BTRC: variants seen among roughly 807,000 people sequenced by gnomAD.
The protein encoded by BTRC is beta-transducin repeat containing E3 ubiquitin protein ligase.
A neutral mutation model predicts 85.5 loss-of-function variants in BTRC; 42 were observed. The observed-to-expected ratio is 0.49, with a 90% CI of 0.38 to 0.64. BTRC has a LOEUF of 0.64. Ranked by LOEUF, BTRC falls within the 30% of genes least tolerant of loss-of-function variation. The pLI, the probability that BTRC is intolerant of heterozygous loss-of-function variation, is 0.00. For synonymous variants in BTRC, 255 were observed against 263.3 expected, an observed-to-expected ratio of 0.97 and a Z score of 0.30; for missense variants, 594 against 743.5, an observed-to-expected ratio of 0.80 and a Z score of 2.34.
At chr10:101,380,888 A>G (rs1015787771) in intron 1 of BTRC, among the ~76,000 whole-genome samples, 2 of 152,226 alleles carry the variant, frequency 1.3e-5, no homozygotes, top group Non-Finnish European at 2.9e-5. Flanking sequence ...ATACCTTACT[A>G]TACACAAATG....
At chr10:101,414,372 G>T (rs1483169451) in intron 1 of BTRC, among the ~76,000 whole-genome samples, 4 of 152,132 alleles carry the variant, frequency 2.6e-5, no homozygotes, top group African/African-American at 9.7e-5. Context: ...TCAGGTGTTT[G>T]TGTTGATACT....
At chr10:101,414,691 A>AGT in intron 1 of BTRC, 1 of 516,626 alleles carries the variant, frequency 1.9e-6, no homozygotes, top group Non-Finnish European at 3.9e-6. Flanking sequence ...GGTAGAAGAC[A>AGT]GTGATATTGA....
At chr10:101,372,937 A>G (rs987706065) in intron 1 of BTRC, among the ~76,000 whole-genome samples, 2 of 152,166 alleles carry the variant, frequency 1.3e-5, no homozygotes, top group Non-Finnish European at 2.9e-5. Context: ...CATTGAATCC[A>G]TATATAAGTT....
At chr10:101,553,121 G>T (rs2062676960) in intron 14 of BTRC, 34 bp from the exon 15 acceptor site, 1 of 152,628 alleles carries the variant, frequency 6.6e-6, no homozygotes, top group Non-Finnish European at 1.5e-5. Flanking sequence ...TATCAAAAAA[G>T]GGGCTAATGA....
At chr10:101,488,921 C>T (rs1038393959) in intron 4 of BTRC, among the ~76,000 whole-genome samples, 2 of 151,980 alleles carry the variant, frequency 1.3e-5, no homozygotes, top group East Asian at 3.9e-4. Context: ...ATATTTATAA[C>T]TAATGTAGAT....
chr10:101,359,454 G>T (rs1034364981), intron 1 of BTRC, among the ~76,000 whole-genome samples: 13 of 152,034 alleles, frequency 8.6e-5, no homozygotes, highest in African/African-American at 3.1e-4. Flanking sequence ...GATACCCTGA[G>T]TCTCGCTCTG....
intron 1 of BTRC, among the ~76,000 whole-genome samples, chr10:101,396,345 T>G (rs941444098): frequency 2.0e-5 from 3 of 151,768 alleles, no homozygotes; most frequent in Admixed American, 2.0e-4. Flanking sequence ...TAAAAGTAGT[T>G]GAACTTTATG....
intron 2 of BTRC, among the ~76,000 whole-genome samples, chr10:101,454,863 G>A (rs1945034664): frequency 1.3e-5 from 2 of 152,174 alleles, no homozygotes; most frequent in South Asian, 4.1e-4. Flanking sequence ...GCTTAACTGG[G>A]GCAGAAAAGA....
chr10:101,421,505 T>C (rs1183465669), intron 1 of BTRC, among the ~76,000 whole-genome samples: 1 of 152,072 alleles, frequency 6.6e-6, no homozygotes, highest in Non-Finnish European at 1.5e-5. Context: ...CTAGGGTACA[T>C]GTGCACAACG....
intron 1 of BTRC, among the ~76,000 whole-genome samples, chr10:101,412,119 TGTA>T (rs1943797165): frequency 1.3e-5 from 2 of 152,186 alleles, no homozygotes; most frequent in African/African-American, 4.8e-5. Flanking sequence ...ATAGTTCTGT[TGTA>T]GTTTTTTGCC....
At chr10:101,438,887 G>C (rs967548173) in intron 2 of BTRC, among the ~76,000 whole-genome samples, 18 of 152,124 alleles carry the variant, frequency 1.2e-4, no homozygotes, top group African/African-American at 4.1e-4. Flanking sequence ...AATCTCTTTT[G>C]TATTCCCTAC....
At chr10:101,427,494 C>G (rs1184038510) in intron 1 of BTRC, among the ~76,000 whole-genome samples, 3 of 142,808 alleles carry the variant, frequency 2.1e-5, no homozygotes, top group Non-Finnish European at 4.6e-5. Context: ...GGGTCCCTTC[C>G]TTCCTTCCTT....
intron 1 of BTRC, among the ~76,000 whole-genome samples, chr10:101,389,076 G>T (rs1040458962): frequency 3.8e-5 from 5 of 132,468 alleles, no homozygotes; most frequent in Non-Finnish European, 6.3e-5. Context: ...GTATTCAACT[G>T]ATTATCCACT....
chr10:101,439,777 G>A (rs1346482424), intron 2 of BTRC, among the ~76,000 whole-genome samples: 2 of 152,196 alleles, frequency 1.3e-5, no homozygotes, highest in African/African-American at 4.8e-5. Flanking sequence ...TATTAATAGT[G>A]GAATTTATGG....
At chr10:101,404,882 C>T (rs1354860179) in intron 1 of BTRC, among the ~76,000 whole-genome samples, 1 of 151,846 alleles carries the variant, frequency 6.6e-6, no homozygotes, top group Non-Finnish European at 1.5e-5. Flanking sequence ...CCTGTAGTCC[C>T]AGCTACTCAG....
intron 1 of BTRC, among the ~76,000 whole-genome samples, chr10:101,392,491 G>T (rs867905221): frequency 1.1e-4 from 17 of 152,116 alleles, no homozygotes; most frequent in Middle Eastern, 3.4e-3. Flanking sequence ...AAAGTTTTTT[G>T]TTGTTGTTGT....
chr10:101,357,291 A>C (rs1206943049), intron 1 of BTRC, among the ~76,000 whole-genome samples: 1 of 149,754 alleles, frequency 6.7e-6, no homozygotes, highest in Non-Finnish European at 1.5e-5. Flanking sequence ...AAATACAAAA[A>C]TTAGCCAGGC....
intron 13 of BTRC, among the ~76,000 whole-genome samples, chr10:101,547,737 A>T (rs1052701470): frequency 1.3e-5 from 2 of 152,252 alleles, no homozygotes; most frequent in Non-Finnish European, 2.9e-5. Flanking sequence ...TAACTCTGAA[A>T]TTTTTTAAAA....
intron 3 of BTRC, among the ~76,000 whole-genome samples, chr10:101,478,660 C>T (rs1319694737): frequency 2.0e-5 from 3 of 151,452 alleles, no homozygotes; most frequent in African/African-American, 7.3e-5. Context: ...GGCGTGGTAG[C>T]GTGCCCCTGT....
Sources: allele counts gnomAD v4.1 joint callset (sites outside exome capture counted in the v4.1 genomes callset), GRCh38; gene constraint gnomAD v4.1.1; transcripts MANE v1.5; gene names NCBI Gene and HGNC (gene_info 2026-07-23, HGNC 2026-07-21).